The following PDS5A variants were observed in gnomAD, a reference collection of about 807,000 sequenced individuals.
The protein encoded by PDS5A is sister chromatid cohesion protein PDS5 homolog A.
In PDS5A, 42 loss-of-function variants were observed where a neutral mutation model predicts 167.1. The observed-to-expected ratio is 0.25, with a 90% CI of 0.20 to 0.33. The LOEUF (loss-of-function observed/expected upper bound fraction) is 0.33. Ranked by LOEUF, PDS5A falls within the 10% of genes least tolerant of loss-of-function variation. The pLI, the probability that PDS5A is intolerant of heterozygous loss-of-function variation, is 1.00. For synonymous variants in PDS5A, 553 were observed against 554.6 expected, an observed-to-expected ratio of 1.00 and a Z score of 0.04; for missense variants, 1,033 against 1,605.9, an observed-to-expected ratio of 0.64 and a Z score of 6.10.
At chr4:39,916,883 A>C (rs1724442937) in intron 8 of PDS5A, among the ~76,000 whole-genome samples, 165 bp downstream of exon 8, 1 of 152,134 alleles carries the variant, frequency 6.6e-6, no homozygotes, top group Non-Finnish European at 1.5e-5. Context: ...AGAAAAAAAA[A>C]GATAAATTGA....
At chr4:39,921,411 C>T (rs1159237559) in intron 6 of PDS5A, among the ~76,000 whole-genome samples, 1 of 151,898 alleles carries the variant, frequency 6.6e-6, no homozygotes, top group African/African-American at 2.4e-5. Flanking sequence ...ATTTCTATTT[C>T]TTAAAAGAAG....
At chr4:39,939,491 T>G (rs1287452019) in intron 2 of PDS5A, among the ~76,000 whole-genome samples, 1 of 149,050 alleles carries the variant, frequency 6.7e-6, no homozygotes, top group African/African-American at 2.5e-5. Flanking sequence ...AAAAAAAAAT[T>G]TTTTTTAAAT....
At chr4:39,906,837 T>G (rs897310507) in intron 11 of PDS5A, among the ~76,000 whole-genome samples, 1 of 151,368 alleles carries the variant, frequency 6.6e-6, no homozygotes, top group African/African-American at 2.4e-5. Flanking sequence ...CATTTTCTCA[T>G]TTTTTAGGCC....
At chr4:39,870,854 G>C (rs1382090764) in intron 21 of PDS5A, among the ~76,000 whole-genome samples, 2 of 152,008 alleles carry the variant, frequency 1.3e-5, no homozygotes, top group Non-Finnish European at 2.9e-5. Context: ...TGGGAGAACA[G>C]GAACATAAAT....
chr4:39,921,729 G>C (rs1298259581), intron 6 of PDS5A, among the ~76,000 whole-genome samples: 1 of 152,012 alleles, frequency 6.6e-6, no homozygotes, highest in Non-Finnish European at 1.5e-5. Context: ...TCCAGCCTAG[G>C]TGACAGAGTG....
At chr4:39,868,002 ATTAT>A (rs1284758325) in intron 22 of PDS5A, among the ~76,000 whole-genome samples, 5 of 152,340 alleles carry the variant, frequency 3.3e-5, no homozygotes, top group Admixed American at 3.3e-4. Flanking sequence ...AAATCAAAGT[ATTAT>A]TTATTATATT....
chr4:39,862,270 T>A lies in PDS5A; in HGVS notation c.3035A>T (p.Asp1012Val). Reference sequence around the variant, plus strand: ...ATCTTGTGATCTTGTAAAATCTGGATCATGGGCTAGCAGGTGAATCATGTA... The same window carrying A: ...ATCTTGTGATCTTGTAAAATCTGGAACATGGGCTAGCAGGTGAATCATGTA... ...VPYMIHLLAH[D>V]PDFTRSQDVD... Residue 1012 changes from aspartate to valine, a missense_variant, in exon 26 of 33, where the codon GAT (aspartate) becomes GTT (valine). Asp to Val is a radical substitution (Grantham distance 152). Transcript: ENST00000303538. The A allele has an allele frequency of 6.5e-7, 1 of 1,542,088 alleles. No individual in the cohort carries two copies. The highest frequency in any genetic ancestry group is 1.4e-5 in the African/African-American group (1 of 73,420).
chr4:39,879,555 CATT>C (rs1393803131), intron 18 of PDS5A, among the ~76,000 whole-genome samples, 170 bp downstream of exon 18: 4 of 152,070 alleles, frequency 2.6e-5, no homozygotes, highest in African/African-American at 9.7e-5. Context: ...AAAATAATTA[CATT>C]ATTATATTAT....
chr4:39,925,134 CCA>C (rs962128370), intron 5 of PDS5A, among the ~76,000 whole-genome samples: 65 of 151,718 alleles, frequency 4.3e-4, no homozygotes, highest in Admixed American at 1.3e-3. Flanking sequence ...ACAAAACAAC[CCA>C]CACAGAATAA....
intron 11 of PDS5A, among the ~76,000 whole-genome samples, chr4:39,907,649 C>T (rs1360873523): frequency 6.6e-6 from 1 of 150,542 alleles, no homozygotes; most frequent in Non-Finnish European, 1.5e-5. Context: ...TGCAGTGGTG[C>T]AATCTCGGCT....
intron 25 of PDS5A, 41 bp from the exon 26 acceptor site, chr4:39,862,374 C>G: frequency 1.1e-6 from 1 of 912,212 alleles, no homozygotes; most frequent in South Asian, 1.6e-5. Context: ...TTATAAAATG[C>G]CTTAGTGGAC....
intron 17 of PDS5A, among the ~76,000 whole-genome samples, chr4:39,888,682 A>G (rs1721698745): frequency 7.9e-6 from 1 of 126,150 alleles, no homozygotes; most frequent in Non-Finnish European, 1.7e-5. Context: ...AAAACAAGCC[A>G]AGAACAACAA....
At chr4:39,898,954 A>G in intron 14 of PDS5A, 129 bp from the exon 15 acceptor site, 1 of 620,112 alleles carries the variant, frequency 1.6e-6, no homozygotes. Flanking sequence ...CAGTCTGCTC[A>G]ATGGAAAATG....
intron 22 of PDS5A, 117 bp from the exon 23 acceptor site, chr4:39,867,114 T>G: frequency 1.3e-6 from 1 of 775,658 alleles, no homozygotes; most frequent in Admixed American, 2.8e-5. Context: ...TTTTATTAAA[T>G]AAGTCTATGG....
At chr4:39,907,316 T>C (rs1465571678) in intron 11 of PDS5A, among the ~76,000 whole-genome samples, 1 of 152,162 alleles carries the variant, frequency 6.6e-6, no homozygotes, top group Non-Finnish European at 1.5e-5. Flanking sequence ...ATTTTAAAAG[T>C]AAAAACTTAA....
At chr4:39,829,492 A>G (rs1715617192) in intron 32 of PDS5A, among the ~76,000 whole-genome samples, 1 of 151,622 alleles carries the variant, frequency 6.6e-6, no homozygotes, top group Non-Finnish European at 1.5e-5. Context: ...CTACAAAAAC[A>G]CAAAAATTAG....
Position 39,869,448 on chromosome 4 carries a change from C to T in PDS5A, c.2451G>A (p.Lys817=). 2 of 1,599,310 alleles carry T rather than the reference C, an allele frequency of 1.3e-6. No homozygotes were observed. Among genetic ancestry groups the T allele is most frequent in the South Asian group, 2.2e-5 (2 of 90,750 alleles). The change falls in exon 22 of 33, where the codon AAG becomes AAA. Residue 817 remains lysine, a synonymous_variant. Coordinates refer to ENST00000303538, the MANE Select transcript of PDS5A (RefSeq NM_001100399.2). ...CATCTGGAGACCACAGTTTTCCATT[C>T]TTTTCACCTGTTGACTATAGACAAT... ...LLMNDRSTGE[K]NGKLWSPDEE...
At chr4:39,879,656 T>C in intron 18 of PDS5A, 72 bp downstream of exon 18, 7 of 809,102 alleles carry the variant, frequency 8.7e-6, no homozygotes, top group Middle Eastern at 2.3e-4. Flanking sequence ...AGCCTGACTC[T>C]TGCATATCCT....
chr4:39,922,679 A>G lies in PDS5A; in HGVS notation c.597T>C (p.Asp199=), dbSNP rs1421325412. The G allele has an allele frequency of 1.2e-6, 2 of 1,604,504 alleles. No individual in the cohort carries two copies. Among genetic ancestry groups the G allele is most frequent in the South Asian group, 1.1e-5 (1 of 89,398 alleles). ...AGTCCAATAATTCTTGAGTAACTCC[A>G]TCACCTTCCATGATGATAGAACTCA... The part of the protein sequence containing the change: ...DLMSSIIMEG[D]GVTQELLDSI... Residue 199 remains aspartate, a synonymous_variant, in exon 6 of 33, where the codon GAT becomes GAC. Coordinates refer to ENST00000303538, the MANE Select transcript of PDS5A (RefSeq NM_001100399.2).
Sources: allele counts gnomAD v4.1 joint callset (sites outside exome capture counted in the v4.1 genomes callset), GRCh38; gene constraint gnomAD v4.1.1; transcripts MANE v1.5; gene names NCBI Gene and HGNC (gene_info 2026-07-23, HGNC 2026-07-21).